The following C1orf87 variants were observed in gnomAD, a reference collection of about 807,000 sequenced individuals.
C1orf87 encodes uncharacterized protein C1orf87.
A neutral mutation model predicts 60.5 loss-of-function variants in C1orf87; 58 were observed. The observed-to-expected ratio is 0.96, with a 90% CI of 0.78 to 1.19. The LOEUF (loss-of-function observed/expected upper bound fraction) is 1.19. C1orf87 is among the 50% of genes most tolerant of loss of function. C1orf87 has a pLI of 0.00. For synonymous variants in C1orf87, 236 were observed against 227.4 expected (o/e 1.04, Z -0.34); for missense variants, 673 against 638.6 (o/e 1.05, Z -0.58).
intron 9 of C1orf87, among the ~76,000 whole-genome samples, chr1:60,007,069 G>T (rs1645051999): frequency 6.6e-6 from 1 of 151,852 alleles, no homozygotes; most frequent in Non-Finnish European, 1.5e-5. Context: ...GCACCTCTAT[G>T]CCTGGCTAAT....
chr1:60,015,441 G>T (rs879881318), intron 8 of C1orf87, among the ~76,000 whole-genome samples: 8 of 152,138 alleles, frequency 5.3e-5, no homozygotes, highest in Non-Finnish European at 1.0e-4. Flanking sequence ...AGTCCAAATG[G>T]TCTAAGACAG....
At chr1:60,012,078 C>T (rs1333509615) in intron 8 of C1orf87, among the ~76,000 whole-genome samples, 1 of 151,862 alleles carries the variant, frequency 6.6e-6, no homozygotes, top group Non-Finnish European at 1.5e-5. Flanking sequence ...AAATAAACTA[C>T]AATGGAAGCA....
intron 2 of C1orf87, 48 bp downstream of exon 2, chr1:60,072,489 C>G (rs375172443): frequency 3.5e-6 from 5 of 1,410,672 alleles, no homozygotes; most frequent in Non-Finnish European, 4.9e-6. Flanking sequence ...AACAATAAAA[C>G]TTCATTATCA....
At chr1:60,057,311 C>G (rs574894086) in intron 2 of C1orf87, among the ~76,000 whole-genome samples, 54 of 152,038 alleles carry the variant, frequency 3.6e-4, no homozygotes, top group African/African-American at 1.3e-3. Flanking sequence ...TAGGTGGATG[C>G]TAGACTGAAG....
At chr1:60,037,401 T>G (rs1372940663) in intron 6 of C1orf87, among the ~76,000 whole-genome samples, 1 of 152,204 alleles carries the variant, frequency 6.6e-6, no homozygotes, top group Admixed American at 6.5e-5. Flanking sequence ...AGAACAGATA[T>G]TTTATTTCTT....
intron 3 of C1orf87, among the ~76,000 whole-genome samples, chr1:60,047,234 T>C (rs903435745): frequency 6.6e-6 from 1 of 152,372 alleles, no homozygotes; most frequent in Non-Finnish European, 1.5e-5. Flanking sequence ...TTTACTGTTT[T>C]TTTTCAAATA....
intron 11 of C1orf87, among the ~76,000 whole-genome samples, chr1:59,994,732 G>T (rs1644951380): frequency 6.6e-6 from 1 of 152,136 alleles, no homozygotes; most frequent in Non-Finnish European, 1.5e-5. Context: ...AAGCACAGTA[G>T]GTTCCCAGAA....
Position 60,046,411 on chromosome 1 carries a change from C to T in C1orf87, c.343-5280G>A, listed in dbSNP as rs1289904096. Reference sequence around the variant, plus strand: ...CTTTCTCTCTCCCTCCCTTCCTCCCCTCCCTCCCTTCCTCCTTCCTTCCTT... The same window carrying T: ...CTTTCTCTCTCCCTCCCTTCCTCCCTTCCCTCCCTTCCTCCTTCCTTCCTT... On this transcript the variant is annotated intron_variant, in intron 3 of 11. Coordinates refer to ENST00000371201, the MANE Select transcript of C1orf87 (RefSeq NM_152377.3). 6.5e-5 allele frequency among the ~76,000 whole-genome samples: 9 copies of T among 138,206 alleles called. 1 individual carries two copies. The highest frequency in any genetic ancestry group is 5.9e-4 in the Admixed American group (8 of 13,626). The allele number at this position is 138,206 out of a possible 152,430, so 90.7% of individuals were successfully genotyped here.
intron 2 of C1orf87, among the ~76,000 whole-genome samples, chr1:60,064,172 G>C (rs1336006666): frequency 6.9e-6 from 1 of 144,116 alleles, no homozygotes; most frequent in Non-Finnish European, 1.5e-5. Flanking sequence ...GGCTCTCCTT[G>C]TTCTTCACCT....
At chr1:60,025,542 G>T (rs1645193316) in intron 7 of C1orf87, 44 bp from the exon 8 acceptor site, 1 of 1,402,888 alleles carries the variant, frequency 7.1e-7, no homozygotes, top group African/African-American at 1.5e-5. Flanking sequence ...GTTTCACTAG[G>T]ATACAAAATG....
At position 60,055,290 on chromosome 1, in the gene C1orf87, T is replaced by C. The variant is rs752129351; in HGVS notation, c.256A>G (p.Lys86Glu). The change falls in exon 3 of 12, where the codon AAA becomes GAA. Residue 86 changes from lysine to glutamate, a missense_variant. Lys to Glu is a moderately conservative substitution (Grantham distance 56). Transcript: ENST00000371201. Reference sequence around the variant, plus strand: ...TTCTGGTTGTTCTCTGGGTGCTTTTTCTCTTTCACATCATCTGGATTATCA... The same window carrying C: ...TTCTGGTTGTTCTCTGGGTGCTTTTCCTCTTTCACATCATCTGGATTATCA... ...TTDNPDDVKE[K>E]KHPENNQKSE... The C allele has an allele frequency of 6.8e-6, 11 of 1,614,170 alleles. No homozygotes were observed. The highest frequency in any genetic ancestry group is 1.7e-6 in the Non-Finnish European group (2 of 1,180,016).
chr1:60,028,675 G>C (rs1392656757), intron 7 of C1orf87, among the ~76,000 whole-genome samples: 2 of 152,024 alleles, frequency 1.3e-5, no homozygotes, highest in African/African-American at 4.8e-5. Context: ...AGCTCCATTT[G>C]CATTTTACCT....
intron 3 of C1orf87, among the ~76,000 whole-genome samples, chr1:60,047,793 A>G (rs528324682): frequency 6.6e-6 from 1 of 151,974 alleles, no homozygotes; most frequent in Non-Finnish European, 1.5e-5. Flanking sequence ...CATAAAATAT[A>G]CACACAGAGA....
intron 8 of C1orf87, among the ~76,000 whole-genome samples, chr1:60,019,123 A>T (rs1474414058): frequency 6.6e-6 from 1 of 152,180 alleles, no homozygotes; most frequent in African/African-American, 2.4e-5. Context: ...TCTAATGTCA[A>T]ACTGTATTCT....
At chr1:60,052,013 G>A (rs1481186990) in intron 3 of C1orf87, among the ~76,000 whole-genome samples, 2 of 152,180 alleles carry the variant, frequency 1.3e-5, no homozygotes, top group African/African-American at 4.8e-5. Flanking sequence ...GCACAGCCAA[G>A]TAGAAATGTC....
At chr1:60,071,555 G>T (rs983724256) in intron 2 of C1orf87, among the ~76,000 whole-genome samples, 1 of 152,168 alleles carries the variant, frequency 6.6e-6, no homozygotes, top group South Asian at 2.1e-4. Context: ...AATCCCTCTA[G>T]ACCTTACAAT....
chr1:60,041,742 C>G (rs117499538), intron 3 of C1orf87, among the ~76,000 whole-genome samples: 2 of 152,130 alleles, frequency 1.3e-5, no homozygotes, highest in African/African-American at 4.8e-5. Flanking sequence ...ACTGCCCCTC[C>G]CAGGACTAGC....
At chr1:60,040,856 G>T (rs1645318594) in intron 4 of C1orf87, 135 bp downstream of exon 4, 3 of 907,608 alleles carry the variant, frequency 3.3e-6, no homozygotes, top group South Asian at 6.3e-5. Context: ...GCTTCTCAAA[G>T]TGCTGGCATT....
At chr1:60,040,773 T>G (rs201357520) in intron 4 of C1orf87, among the ~76,000 whole-genome samples, 1 of 124,080 alleles carries the variant, frequency 8.1e-6, no homozygotes, top group Admixed American at 8.0e-5. Flanking sequence ...TTTTTTTTTT[T>G]GTAGAGATGG....
Sources: allele counts gnomAD v4.1 joint callset (sites outside exome capture counted in the v4.1 genomes callset), GRCh38; gene constraint gnomAD v4.1.1; transcripts MANE v1.5; gene names NCBI Gene and HGNC (gene_info 2026-07-23, HGNC 2026-07-21).